C6: variants seen among roughly 807,000 people sequenced by gnomAD.
C6 encodes the protein complement component C6.
C6 carries 101 observed loss-of-function variants against 112.9 expected under a neutral mutation model. The ratio of observed to expected loss-of-function variants is 0.89; its 90% CI spans 0.76 to 1.06. The LOEUF (loss-of-function observed/expected upper bound fraction) is 1.06. C6 is among the 50% of genes least tolerant of loss of function. The pLI is 0.00. For synonymous variants in C6, 431 were observed against 384.1 expected, an observed-to-expected ratio of 1.12 and a Z score of -1.43; for missense variants, 1,202 against 1,104.6, an observed-to-expected ratio of 1.09 and a Z score of -1.25.
At chr5:41,194,146 A>T (rs1750431833) in intron 5 of C6, among the ~76,000 whole-genome samples, 1 of 152,194 alleles carries the variant, frequency 6.6e-6, no homozygotes, top group Non-Finnish European at 1.5e-5. Flanking sequence ...TGTGATTATC[A>T]GTGGGAGTTT....
At chr5:41,232,585 A>T (rs1049088784) in intron 1 of C6, among the ~76,000 whole-genome samples, 5 of 152,152 alleles carry the variant, frequency 3.3e-5, no homozygotes, top group African/African-American at 1.2e-4. Flanking sequence ...TTTTTTAAAA[A>T]GCAGGTATGC....
chr5:41,195,707 T>A (rs1008970982), intron 5 of C6, 85 bp downstream of exon 5: 2 of 1,362,752 alleles, frequency 1.5e-6, no homozygotes, highest in Non-Finnish European at 1.0e-6. Context: ...ATGAGGAAGA[T>A]GGACAATGAT....
At chr5:41,222,163 C>CT (rs1357825307) in intron 1 of C6, among the ~76,000 whole-genome samples, 1 of 142,860 alleles carries the variant, frequency 7.0e-6, no homozygotes, top group East Asian at 2.0e-4. Flanking sequence ...GAGACTCCAT[C>CT]TCAAAAAAAA....
chr5:41,170,540 T>A (rs192055920), intron 9 of C6, among the ~76,000 whole-genome samples: 51 of 152,204 alleles, frequency 3.4e-4, no homozygotes, highest in Non-Finnish European at 6.6e-4. Flanking sequence ...ATTACCAGAT[T>A]ATTTGCTTTG....
chr5:41,195,945 A>T lies in C6; in HGVS notation c.446-12T>A, dbSNP rs780943720. 3.1e-6 allele frequency: 5 copies of T among 1,613,494 alleles called. No homozygotes were observed. The highest frequency in any genetic ancestry group is 1.3e-5 in the African/African-American group (1 of 74,916). ...GGCAATGCAGCGGCCTAGTCAAGAA[A>T]AGCAAACAAAATCAATGCAACAAAT... is the stretch of plus-strand genomic sequence containing the variant. On this transcript the variant is annotated splice_polypyrimidine_tract_variant and intron_variant, in intron 4 of 17. Transcript: ENST00000337836.
intron 6 of C6, among the ~76,000 whole-genome samples, chr5:41,182,951 T>C (rs1454880180): frequency 6.6e-6 from 1 of 152,250 alleles, no homozygotes; most frequent in African/African-American, 2.4e-5. Context: ...ATTTTCAGGC[T>C]GTATTTCCTC....
In C6 at chr5:41,203,147, T is replaced by C. The variant is rs1304960855; in HGVS notation, c.84A>G (p.Ala28=). The C allele has an allele frequency of 6.2e-7, 1 of 1,614,100 alleles. No individual in the cohort carries two copies. Among genetic ancestry groups the C allele is most frequent in the South Asian group, 1.1e-5 (1 of 91,086 alleles). Residue 28 remains alanine, a synonymous_variant, in exon 2 of 18, where the codon GCA becomes GCG. Transcript: ENST00000337836. ...TTGAGCAGCTGGTCCACTGAGTCCA[T>C]GCATAGTGATCACAGAAGCAGGCTT... ...KGQACFCDHY[A]WTQWTSCSKT...
chr5:41,204,088 C>A (rs765501187), intron 1 of C6, among the ~76,000 whole-genome samples: 1 of 152,132 alleles, frequency 6.6e-6, no homozygotes, highest in Non-Finnish European at 1.5e-5. Flanking sequence ...CCAGTTTAAT[C>A]GTTATATCCC....
At chr5:41,239,224 G>A (rs1310723728) in intron 1 of C6, among the ~76,000 whole-genome samples, 1 of 145,290 alleles carries the variant, frequency 6.9e-6, no homozygotes, top group Non-Finnish European at 1.5e-5. Context: ...TGATTCTTCT[G>A]TCTCAGCCTC....
chr5:41,180,089 T>C (rs924424166), intron 7 of C6, among the ~76,000 whole-genome samples: 3 of 152,206 alleles, frequency 2.0e-5, no homozygotes, highest in African/African-American at 7.2e-5. Flanking sequence ...AGAATTGTTT[T>C]GAGGATAAAT....
At chr5:41,208,669 A>G (rs539624701) in intron 1 of C6, among the ~76,000 whole-genome samples, 2 of 152,246 alleles carry the variant, frequency 1.3e-5, no homozygotes, top group African/African-American at 2.4e-5. Flanking sequence ...AGACAAAACC[A>G]GGAAGAAGTT....
chr5:41,214,707 C>A (rs924212587), upstream of C6, among the ~76,000 whole-genome samples: 8 of 152,232 alleles, frequency 5.3e-5, no homozygotes, highest in Admixed American at 2.6e-4. Flanking sequence ...ATATTTCTTT[C>A]TTTAATTGGT....
Position 41,211,658 on chromosome 5 carries a change from C to T in C6, c.-21+1718G>A, listed in dbSNP as rs549316457. Among the ~76,000 whole-genome samples, 6 of 152,104 alleles carry T rather than the reference C, an allele frequency of 3.9e-5. 1 individual carries two copies. In the South Asian group the frequency reaches 8.3e-4, roughly 21 times the overall value. On this transcript the variant is annotated intron_variant, in intron 1 of 17. Transcript: ENST00000337836. The stretch of plus-strand genomic sequence containing the variant: ...CCCTATACCCTTCACCCTTGCCCCC[C>T]ACTGCCAAAATTGGAATTTTCTCAT...
intron 15 of C6, among the ~76,000 whole-genome samples, chr5:41,151,233 G>A (rs564610616): frequency 5.9e-5 from 9 of 152,270 alleles, no homozygotes; most frequent in African/African-American, 1.9e-4. Flanking sequence ...GGTAGTTCAG[G>A]TGAAAGAGGA....
rs3805714 is a variant in C6, at chr5:41,156,821, T to A, written c.1969-1717A>T. Among the ~76,000 whole-genome samples the A allele has an allele frequency of 2.1e-3, 323 of 152,336 alleles. 5 individuals carry two copies. The East Asian group carries it at 0.038, about 18-fold the overall frequency. On this transcript the variant is annotated intron_variant, in intron 13 of 17. Transcript: ENST00000337836. ...TCTTGCATTTCTTCTGAAATAAATT[T>A]TTGCCTTAAACTTTTGTTTCTATTT... is the stretch of plus-strand genomic sequence containing the variant.
intron 1 of C6, among the ~76,000 whole-genome samples, chr5:41,238,741 A>G (rs1740495401): frequency 6.6e-6 from 1 of 152,214 alleles, no homozygotes; most frequent in Non-Finnish European, 1.5e-5. Flanking sequence ...GAAAGATAAA[A>G]TATACACAAA....
At chr5:41,196,171 A>G (rs73753126) in intron 4 of C6, among the ~76,000 whole-genome samples, 9,412 of 152,120 alleles carry the variant, frequency 0.062, 392 homozygotes, top group African/African-American at 0.12. Flanking sequence ...AAAAAGAGAA[A>G]TAATCCTAGA....
At chr5:41,228,613 G>A (rs190591498) in intron 1 of C6, among the ~76,000 whole-genome samples, 19 of 152,244 alleles carry the variant, frequency 1.2e-4, no homozygotes, top group African/African-American at 4.1e-4. Flanking sequence ...TCTTTACTGT[G>A]TTGAGGTACA....
chr5:41,186,901 G>A (rs1028552762), intron 5 of C6, among the ~76,000 whole-genome samples: 4 of 151,694 alleles, frequency 2.6e-5, no homozygotes, highest in African/African-American at 7.3e-5. Flanking sequence ...CTATTTAAGA[G>A]GTTATTTTGT....
Sources: allele counts gnomAD v4.1 joint callset (sites outside exome capture counted in the v4.1 genomes callset), GRCh38; gene constraint gnomAD v4.1.1; transcripts MANE v1.5; gene names NCBI Gene and HGNC (gene_info 2026-07-23, HGNC 2026-07-21).